Variants in EIPR1 observed in about 807,000 individuals in gnomAD.
The protein encoded by EIPR1 is EARP and GARP complex-interacting protein 1.
In EIPR1, 25 loss-of-function variants were observed where a neutral mutation model predicts 48.1. That is an observed-to-expected ratio of 0.52 (90% confidence interval 0.38 to 0.73). The LOEUF is 0.73. EIPR1 is among the 30% of genes least tolerant of loss of function. EIPR1 has a pLI of 0.00. For synonymous variants in EIPR1, 204 were observed against 201.9 expected (o/e 1.01, Z -0.09); for missense variants, 415 against 506.2 (o/e 0.82, Z 1.73).
intron 5 of EIPR1, among the ~76,000 whole-genome samples, chr2:3,209,673 G>C (rs1481653689): frequency 6.6e-6 from 1 of 152,144 alleles, no homozygotes; most frequent in African/African-American, 2.4e-5. Context: ...CCAGACAATG[G>C]AACATTACTC....
chr2:3,247,624 G>C (rs369259579), intron 4 of EIPR1, among the ~76,000 whole-genome samples: 1 of 152,174 alleles, frequency 6.6e-6, no homozygotes, highest in Admixed American at 6.5e-5. Context: ...AAAGTGCTGG[G>C]AAGCATTAGA....
chr2:3,287,432 T>TCA (rs1668228997), intron 3 of EIPR1, among the ~76,000 whole-genome samples: 1 of 130,722 alleles, frequency 7.6e-6, no homozygotes, highest in African/African-American at 3.0e-5. Context: ...GAAAGCTCGT[T>TCA]CACAATCCAG....
Position 3,336,850 on chromosome 2 carries a change from AAAGGG to A in EIPR1, c.259+1162_259+1166del, listed in dbSNP as rs1306861507. Among the ~76,000 whole-genome samples, 8 of 110,818 alleles carry A rather than the reference AAAGGG, an allele frequency of 7.2e-5. 1 individual carries two copies. The East Asian group carries it at 1.6e-3, about 23-fold the overall frequency. 72.7% of individuals were successfully genotyped at this position (110,818 alleles called of 152,430 possible). A position where few individuals can be genotyped will look rare whatever the true frequency, so the allele number is the denominator to read the frequency against. On this transcript the variant is annotated intron_variant, in intron 3 of 8. Coordinates refer to ENST00000382125, the MANE Select transcript of EIPR1 (RefSeq NM_003310.5). ...AGGGAAGGGAAGGGAAAGGAAGGGAAAAGGGAAGGGAAGGGAAAAGGGAAGGGAAG... is the reference window on the plus strand; with the variant it reads ...AGGGAAGGGAAGGGAAAGGAAGGGAAAAGGGAAGGGAAAAGGGAAGGGAAG...
intron 3 of EIPR1, among the ~76,000 whole-genome samples, chr2:3,287,691 A>G (rs369417038): frequency 3.5e-4 from 53 of 152,008 alleles, no homozygotes; most frequent in African/African-American, 1.1e-3. Flanking sequence ...ACCACGCTCC[A>G]GAAAGCTCAT....
At chr2:3,324,227 G>A (rs551830505) in intron 3 of EIPR1, among the ~76,000 whole-genome samples, 80 of 152,316 alleles carry the variant, frequency 5.3e-4, no homozygotes, top group African/African-American at 1.8e-3. Context: ...AGCCAGAGCA[G>A]GTCCCCAGCC....
At chr2:3,272,602 A>G (rs962498633) in intron 3 of EIPR1, among the ~76,000 whole-genome samples, 8 of 152,224 alleles carry the variant, frequency 5.3e-5, no homozygotes, top group African/African-American at 1.9e-4. Context: ...TCACTTTGCC[A>G]TCTTACATGG....
intron 3 of EIPR1, among the ~76,000 whole-genome samples, chr2:3,259,523 T>C (rs1254468360): frequency 6.6e-6 from 1 of 152,220 alleles, no homozygotes; most frequent in Non-Finnish European, 1.5e-5. Flanking sequence ...AGTTTCCACG[T>C]ATCCGGTTCA....
At chr2:3,197,911 G>A (rs972268043) in intron 5 of EIPR1, among the ~76,000 whole-genome samples, 1 of 152,228 alleles carries the variant, frequency 6.6e-6, no homozygotes, top group African/African-American at 2.4e-5. Context: ...TGGCCAGGCT[G>A]AGGGCAGGTC....
At chr2:3,304,339 T>C (rs1162030665) in intron 3 of EIPR1, among the ~76,000 whole-genome samples, 1 of 152,152 alleles carries the variant, frequency 6.6e-6, no homozygotes, top group Non-Finnish European at 1.5e-5. Context: ...GAAGACATGG[T>C]TCTGCTCCAC....
chr2:3,270,435 G>A (rs1392220376), intron 3 of EIPR1, among the ~76,000 whole-genome samples: 1 of 152,090 alleles, frequency 6.6e-6, no homozygotes, highest in African/African-American at 2.4e-5. Context: ...TGCTTCCCAT[G>A]GTAACTAAGA....
At chr2:3,263,667 G>A (rs952434789) in intron 3 of EIPR1, among the ~76,000 whole-genome samples, 5 of 151,932 alleles carry the variant, frequency 3.3e-5, no homozygotes, top group East Asian at 1.9e-4. Flanking sequence ...GGCACGGTGC[G>A]GCCAGCGCCC....
intron 3 of EIPR1, among the ~76,000 whole-genome samples, chr2:3,270,347 G>A (rs983395126): frequency 2.0e-5 from 3 of 152,196 alleles, no homozygotes; most frequent in Non-Finnish European, 4.4e-5. Flanking sequence ...GTGTGCCAGT[G>A]TGTGCTCTGC....
intron 3 of EIPR1, among the ~76,000 whole-genome samples, chr2:3,315,082 C>T (rs1380962241): frequency 1.4e-5 from 2 of 145,198 alleles, no homozygotes; most frequent in Non-Finnish European, 3.0e-5. Flanking sequence ...ACAGTCATCA[C>T]CACCGCCATC....
chr2:3,313,509 C>T (rs1558291624), intron 3 of EIPR1, among the ~76,000 whole-genome samples: 3 of 152,120 alleles, frequency 2.0e-5, no homozygotes, highest in African/African-American at 7.2e-5. Context: ...ACTGAACACT[C>T]GCTGGACTCC....
chr2:3,222,814 T>C (rs776414188), intron 4 of EIPR1, among the ~76,000 whole-genome samples: 1 of 152,156 alleles, frequency 6.6e-6, no homozygotes, highest in Non-Finnish European at 1.5e-5. Context: ...GATCGAGATA[T>C]CATCTTGCTA....
chr2:3,345,459 T>C (rs954697378), intron 2 of EIPR1, among the ~76,000 whole-genome samples: 1 of 144,964 alleles, frequency 6.9e-6, no homozygotes, highest in Non-Finnish European at 1.5e-5. Flanking sequence ...ACCCCGTCTC[T>C]ACTAAAAATA....
chr2:3,291,365 G>A (rs1162754141), intron 3 of EIPR1, among the ~76,000 whole-genome samples: 11 of 151,990 alleles, frequency 7.2e-5, no homozygotes, highest in Admixed American at 4.6e-4. Flanking sequence ...CCCACGTAGC[G>A]GGCTGCATGC....
intron 3 of EIPR1, among the ~76,000 whole-genome samples, chr2:3,329,215 A>G (rs1200197881): frequency 7.2e-6 from 1 of 138,838 alleles, no homozygotes; most frequent in Admixed American, 7.1e-5. Flanking sequence ...ATCAGAGCCC[A>G]CCCACCAGGC....
At chr2:3,250,730 C>T (rs768161327) in intron 4 of EIPR1, among the ~76,000 whole-genome samples, 2 of 152,198 alleles carry the variant, frequency 1.3e-5, no homozygotes, top group African/African-American at 2.4e-5. Context: ...GAGCACCCGT[C>T]CCTTGGTGAT....
Sources: gnomAD v4.1 joint callset for allele counts (sites outside exome capture counted in the v4.1 genomes callset) on GRCh38, gnomAD v4.1.1 for gene constraint, MANE v1.5 for transcripts, NCBI Gene and HGNC (gene_info 2026-07-23, HGNC 2026-07-21) for gene names.